Variants in PLS3 observed in about 807,000 individuals in gnomAD.
The protein encoded by PLS3 is plastin-3.
In PLS3, 11 loss-of-function variants were observed where a neutral mutation model predicts 46.5. The observed-to-expected ratio is 0.24, with a 90% CI of 0.15 to 0.39. PLS3 has a LOEUF of 0.39. Ranked by LOEUF, PLS3 falls within the 10% of genes least tolerant of loss-of-function variation. The probability of loss-of-function intolerance (pLI) is 1.00; values close to 1 mark genes in which losing one functional copy is unlikely to be tolerated. For missense variants in PLS3, 308 were observed against 461.8 expected (o/e 0.67, Z 3.05); for synonymous variants, 167 against 162.2 (o/e 1.03, Z -0.22).
chrX:115,644,046 T>A (rs1292191753), intron 10 of PLS3, among the ~76,000 whole-genome samples: 4 of 111,429 alleles, frequency 3.6e-5, no homozygotes, highest in Non-Finnish European at 7.5e-5. Flanking sequence ...GTATTTAGTT[T>A]TAATATTTAG....
intron 7 of PLS3, 118 bp downstream of exon 7, chrX:115,635,164 G>A (rs2074818040): frequency 1.0e-5 from 6 of 581,361 alleles, no homozygotes; most frequent in Non-Finnish European, 1.7e-5. Flanking sequence ...ATGAACATAA[G>A]GTAATGCTAT....
At chrX:115,572,536 C>T (rs1556630812) in intron 1 of PLS3, among the ~76,000 whole-genome samples, 1 of 110,808 alleles carries the variant, frequency 9.0e-6, no homozygotes, top group African/African-American at 3.3e-5. Context: ...AACTTTTAAA[C>T]GTGCCCAAAG....
chrX:115,636,408 G>A (rs1311518582), intron 7 of PLS3, among the ~76,000 whole-genome samples: 2 of 110,548 alleles, frequency 1.8e-5, no homozygotes, highest in East Asian at 2.9e-4. Flanking sequence ...GGGTTTCAGC[G>A]TGTTAGCCAG....
chrX:115,589,108 C>T (rs1161358666), intron 1 of PLS3, among the ~76,000 whole-genome samples: 1 of 110,743 alleles, frequency 9.0e-6, no homozygotes, highest in Non-Finnish European at 1.9e-5. Flanking sequence ...GCTGGGACTA[C>T]AGGCGACAGC....
intron 1 of PLS3, among the ~76,000 whole-genome samples, chrX:115,569,540 A>G (rs1278180830): frequency 8.9e-6 from 1 of 112,225 alleles, no homozygotes; most frequent in Non-Finnish European, 1.9e-5. Flanking sequence ...ACATAGGTCC[A>G]ATAATAGTAA....
At chrX:115,647,286 A>G (rs1556641849) in intron 13 of PLS3, among the ~76,000 whole-genome samples, 5 of 108,599 alleles carry the variant, frequency 4.6e-5, no homozygotes. Flanking sequence ...ATAAAAAATT[A>G]GCCGGGCGTG....
Position 115,632,347 on chromosome X carries a change from G to C in PLS3, c.501-1653G>C, listed in dbSNP as rs782677026. Among the ~76,000 whole-genome samples the C allele has an allele frequency of 1.4e-4, 15 of 110,641 alleles. No homozygotes were observed. The South Asian group carries it at 5.9e-3, about 44-fold the overall frequency. On this transcript the variant is annotated intron_variant, in intron 5 of 15. Coordinates refer to ENST00000355899, the MANE Select transcript of PLS3 (RefSeq NM_005032.7). ...ATAGTGGCTCGCACCTGTAATCCCA[G>C]GTACTTGGAGGCTGAGGTTGGAGGA...
Position 115,646,078 on chromosome X carries a change from G to T in PLS3, c.1269G>T (p.Leu423=). The part of the protein sequence containing the change: ...NPHVNHLYAD[L]QDALVILQLY... Reference sequence around the variant, plus strand: ...ATTATTTTTAAATCATTAGTGACCTGCAAGATGCCCTGGTAATCTTACAGT... The same window carrying T: ...ATTATTTTTAAATCATTAGTGACCTTCAAGATGCCCTGGTAATCTTACAGT... The change falls in exon 12 of 16, where the codon CTG becomes CTT. Residue 423 remains leucine, a synonymous_variant. Transcript: ENST00000355899. 1 of 1,142,558 alleles carries T rather than the reference G, an allele frequency of 8.8e-7. No homozygotes were observed. The highest frequency in any genetic ancestry group is 1.2e-6 in the Non-Finnish European group (1 of 834,530). 94.2% of individuals were successfully genotyped at this position (1,142,558 alleles called of 1,213,427 possible). A position where few individuals can be genotyped will look rare whatever the true frequency, so the allele number is the denominator to read the frequency against.
In PLS3 at chrX:115,571,262, A is replaced by G. The variant is rs782310509; in HGVS notation, c.-9+10002A>G. On this transcript the variant is annotated intron_variant, in intron 1 of 15. Transcript: ENST00000355899. ...ACCCGTCACAGTGGTTTACGCGTGT[A>G]ATCCCAACACTTTGGGAGGCCAAGG... 2.7e-5 allele frequency among the ~76,000 whole-genome samples: 3 copies of G among 111,823 alleles called. No individual in the cohort carries two copies. The South Asian group carries it at 1.1e-3, about 42-fold the overall frequency.
Position 115,649,690 on chromosome X carries a change from G to C in PLS3, c.*129G>C. The stretch of plus-strand genomic sequence containing the variant: ...AAGGACTTTTCATTTTGATTAACAG[G>C]ACTAGCTTATCATGAGAGCCCTCAG... On this transcript the variant is annotated 3_prime_UTR_variant, in exon 16 of 16. Transcript: ENST00000355899. The C allele has an allele frequency of 3.6e-6, 2 of 550,394 alleles. No individual in the cohort carries two copies. Among genetic ancestry groups the C allele is most frequent in the Non-Finnish European group, 5.6e-6 (2 of 354,235 alleles). The allele number at this position is 550,394 out of a possible 1,213,427, so 45.4% of individuals were successfully genotyped here.
chrX:115,624,179 AG>A (rs1284738919), intron 3 of PLS3, among the ~76,000 whole-genome samples: 9 of 101,521 alleles, frequency 8.9e-5, no homozygotes, highest in Non-Finnish European at 1.6e-4. Context: ...CAGTGAGCCA[AG>A]ATTGTGCCAC....
intron 1 of PLS3, among the ~76,000 whole-genome samples, chrX:115,602,020 C>T (rs2074449644): frequency 8.9e-6 from 1 of 111,733 alleles, no homozygotes; most frequent in Non-Finnish European, 1.9e-5. Flanking sequence ...GCACAATACC[C>T]TTACCAGTGA....
At chrX:115,646,360 A>T (rs1457802893) in intron 12 of PLS3, 42 bp from the exon 13 acceptor site, 25 of 1,184,814 alleles carry the variant, frequency 2.1e-5, no homozygotes, top group Non-Finnish European at 2.5e-5. Context: ...TGCAGATTAA[A>T]CAAATGGAAG....
chrX:115,609,129 G>C (rs1265497823), intron 1 of PLS3, among the ~76,000 whole-genome samples: 4 of 110,105 alleles, frequency 3.6e-5, no homozygotes, highest in Non-Finnish European at 7.6e-5. Context: ...AATCAGAAGA[G>C]AGAAAAAACC....
At position 115,647,886 on chromosome X, in the gene PLS3, A is replaced by G. The variant is rs375919853; in HGVS notation, c.1636-7A>G. 2.5e-6 allele frequency: 3 copies of G among 1,198,949 alleles called. No homozygotes were observed. The highest frequency in any genetic ancestry group is 1.8e-5 in the African/African-American group (1 of 56,914). On this transcript the variant is annotated splice_region_variant and splice_polypyrimidine_tract_variant and intron_variant, in intron 14 of 15. Transcript: ENST00000355899. ...AAATTCTCAGATTTGTTCTCCTTTC[A>G]CACTAGGACAAGACGATCAGCTCCA...
chrX:115,643,941 C>CA (rs1372779758), intron 10 of PLS3, among the ~76,000 whole-genome samples: 1 of 111,652 alleles, frequency 9.0e-6, no homozygotes, highest in African/African-American at 3.3e-5. Flanking sequence ...TATTGCACTC[C>CA]AGCCTGGGCA....
At chrX:115,610,774 T>G (rs1433795410) in intron 2 of PLS3, 1 of 653,443 alleles carries the variant, frequency 1.5e-6, no homozygotes, top group African/African-American at 2.3e-5. Flanking sequence ...GACTTTTTTA[T>G]GGGTTTTCTG....
At chrX:115,606,165 CTTTTTTTTTTTTTT>C (rs782575149) in intron 1 of PLS3, among the ~76,000 whole-genome samples, 1 of 30,286 alleles carries the variant, frequency 3.3e-5, no homozygotes, top group Non-Finnish European at 5.1e-5. Flanking sequence ...CTTTTCTTTT[CTTTTTTTTTTTTTT>C]TTTTTTTTTT....
At chrX:115,609,151 A>AG (rs1322836720) in intron 1 of PLS3, among the ~76,000 whole-genome samples, 1 of 110,938 alleles carries the variant, frequency 9.0e-6, no homozygotes, top group African/African-American at 3.3e-5. Flanking sequence ...AAAACAAAAA[A>AG]GGAGAAAGGA....
Sources: allele counts gnomAD v4.1 joint callset (sites outside exome capture counted in the v4.1 genomes callset), GRCh38; gene constraint gnomAD v4.1.1; transcripts MANE v1.5; gene names NCBI Gene and HGNC (gene_info 2026-07-23, HGNC 2026-07-21).